The following GFOD1 variants were observed in gnomAD, a reference collection of about 807,000 sequenced individuals.
The protein encoded by GFOD1 is Gfo/Idh/MocA-like oxidoreductase domain containing 1.
Under a neutral mutation model 25.4 loss-of-function variants are expected in GFOD1, and 9 were observed. That is an observed-to-expected ratio of 0.35 (90% CI 0.21 to 0.62). The LOEUF is 0.62. Among genes scored for constraint, GFOD1 ranks in the 20% least tolerant of loss-of-function variants. The probability of loss-of-function intolerance (pLI) is 0.72; values close to 1 mark genes in which losing one functional copy is unlikely to be tolerated. For synonymous variants in GFOD1, 253 were observed against 245.6 expected, an observed-to-expected ratio of 1.03 and a Z score of -0.28; for missense variants, 403 against 556.9, an observed-to-expected ratio of 0.72 and a Z score of 2.78.
chr6:13,367,850 C>T (rs370364847), intron 1 of GFOD1, among the ~76,000 whole-genome samples: 59 of 152,132 alleles, frequency 3.9e-4, no homozygotes, highest in African/African-American at 1.4e-3. Context: ...AAGCACCTGT[C>T]CTGGGGCAGG....
At chr6:13,473,411 A>C (rs1161803391) in intron 1 of GFOD1, among the ~76,000 whole-genome samples, 5 of 152,142 alleles carry the variant, frequency 3.3e-5, no homozygotes, top group Non-Finnish European at 7.4e-5. Context: ...AGTTCTTCCC[A>C]CGCCCTCTAA....
rs982456449 is a variant in GFOD1 at position 13,422,638 on chromosome 6, G to A, written c.254-56976C>T. On this transcript the variant is annotated intron_variant, in intron 1 of 1. Transcript: ENST00000379287. ...TCACTAGCGTTCAGGTGGATGACAG[G>A]GAAAAAAGGAATGAAAAAAGAAACC... 4.6e-5 allele frequency among the ~76,000 whole-genome samples: 7 copies of A among 152,098 alleles called. 1 individual carries two copies. Among genetic ancestry groups the A allele is most frequent in the Admixed American group, 2.6e-4 (4 of 15,276 alleles).
chr6:13,413,497 C>T (rs1472981129), intron 1 of GFOD1, among the ~76,000 whole-genome samples: 1 of 152,166 alleles, frequency 6.6e-6, no homozygotes, highest in Non-Finnish European at 1.5e-5. Flanking sequence ...ATGAATGGTC[C>T]CCACAGTGGC....
At chr6:13,384,834 G>T (rs1397136904) in intron 1 of GFOD1, among the ~76,000 whole-genome samples, 1 of 152,244 alleles carries the variant, frequency 6.6e-6, no homozygotes, top group African/African-American at 2.4e-5. Flanking sequence ...AATGAAGATA[G>T]AAAATTTAGG....
intron 1 of GFOD1, chr6:13,470,584 C>A: frequency 6.6e-7 from 1 of 1,511,110 alleles, no homozygotes; most frequent in South Asian, 1.3e-5. Context: ...TTTTTTTTTC[C>A]CCAGTATTTT....
chr6:13,376,510 C>T (rs1321282313), intron 1 of GFOD1, among the ~76,000 whole-genome samples: 4 of 152,078 alleles, frequency 2.6e-5, no homozygotes, highest in Non-Finnish European at 5.9e-5. Context: ...CCACACTACC[C>T]CCATAGAAAG....
At chr6:13,411,701 A>G (rs1390673960) in intron 1 of GFOD1, among the ~76,000 whole-genome samples, 1 of 152,204 alleles carries the variant, frequency 6.6e-6, no homozygotes, top group African/African-American at 2.4e-5. Flanking sequence ...GCACTGATGA[A>G]GGCCTGCCAT....
At chr6:13,451,697 A>C (rs963776590) in intron 1 of GFOD1, among the ~76,000 whole-genome samples, 52 of 152,340 alleles carry the variant, frequency 3.4e-4, no homozygotes, top group African/African-American at 1.2e-3. Flanking sequence ...CGGGCAAGTC[A>C]GCAATTGCAG....
intron 1 of GFOD1, among the ~76,000 whole-genome samples, chr6:13,465,688 A>G (rs1758368524): frequency 6.6e-6 from 1 of 152,184 alleles, no homozygotes; most frequent in Non-Finnish European, 1.5e-5. Context: ...CCTGAGAACC[A>G]CCGTAACAAA....
chr6:13,371,648 G>T (rs1584608713), intron 1 of GFOD1, among the ~76,000 whole-genome samples: 1 of 152,242 alleles, frequency 6.6e-6, no homozygotes, highest in East Asian at 1.9e-4. Context: ...GAGAAAGTAT[G>T]TTTTGTGTTT....
At chr6:13,390,782 A>AG (rs1554200650) in intron 1 of GFOD1, among the ~76,000 whole-genome samples, 1 of 93,174 alleles carries the variant, frequency 1.1e-5, no homozygotes, top group Non-Finnish European at 1.9e-5. Flanking sequence ...AGAGAGAGAA[A>AG]GGAAGGAAGG....
intron 1 of GFOD1, among the ~76,000 whole-genome samples, chr6:13,390,081 C>A (rs527603666): frequency 3.3e-5 from 5 of 152,254 alleles, no homozygotes; most frequent in East Asian, 1.9e-4. Flanking sequence ...CTGGGACATC[C>A]CCCCTGAGGA....
At chr6:13,381,915 G>GCGCACACA (rs748305101) in intron 1 of GFOD1, among the ~76,000 whole-genome samples, 16 of 140,142 alleles carry the variant, frequency 1.1e-4, no homozygotes, top group African/African-American at 4.8e-4. Flanking sequence ...ACGCGCGCGC[G>GCGCACACA]CACACACACA....
At chr6:13,395,923 G>A (rs905458823) in intron 1 of GFOD1, among the ~76,000 whole-genome samples, 10 of 152,210 alleles carry the variant, frequency 6.6e-5, no homozygotes, top group African/African-American at 1.2e-4. Flanking sequence ...TGTTTACTCC[G>A]TGGGGGATCT....
chr6:13,455,159 T>G (rs926709341), intron 1 of GFOD1, among the ~76,000 whole-genome samples: 6 of 152,084 alleles, frequency 3.9e-5, no homozygotes, highest in African/African-American at 1.2e-4. Flanking sequence ...CTTGTCCCTG[T>G]AAGAACATAG....
chr6:13,409,234 GA>G lies in GFOD1; in HGVS notation c.254-43573del. 1.5e-5 allele frequency among the ~76,000 whole-genome samples: 2 copies of G among 137,054 alleles called. 1 individual carries two copies. Among genetic ancestry groups the G allele is most frequent in the African/African-American group, 5.5e-5 (2 of 36,214 alleles). The allele number at this position is 137,054 out of a possible 152,430, so 89.9% of individuals were successfully genotyped here. On this transcript the variant is annotated intron_variant, in intron 1 of 1. Coordinates refer to ENST00000379287, the MANE Select transcript of GFOD1 (RefSeq NM_018988.4). ...AGGAAAGAGAGAGAGAGGAAGGAAG[GA>G]AGGAGAGAAAGAGAGAAAGAGAGAG...
At chr6:13,384,192 C>T (rs1785421612) in intron 1 of GFOD1, among the ~76,000 whole-genome samples, 1 of 152,246 alleles carries the variant, frequency 6.6e-6, no homozygotes, top group Non-Finnish European at 1.5e-5. Flanking sequence ...CGCCACTTCA[C>T]TCCAGCCTGG....
chr6:13,371,843 C>T (rs940413552), intron 1 of GFOD1, among the ~76,000 whole-genome samples: 1 of 152,138 alleles, frequency 6.6e-6, no homozygotes, highest in Non-Finnish European at 1.5e-5. Flanking sequence ...TCAGCTCGCC[C>T]CCCTGAGGGC....
intron 1 of GFOD1, chr6:13,470,618 T>C: frequency 1.3e-6 from 2 of 1,481,820 alleles, no homozygotes; most frequent in African/African-American, 1.4e-5. Flanking sequence ...TTTCTTCCTC[T>C]GATGTCCTGG....
Sources: allele counts gnomAD v4.1 joint callset (sites outside exome capture counted in the v4.1 genomes callset), GRCh38; gene constraint gnomAD v4.1.1; transcripts MANE v1.5; gene names NCBI Gene and HGNC (gene_info 2026-07-23, HGNC 2026-07-21).